The following CD36 variants were observed in gnomAD, a reference collection of about 807,000 sequenced individuals.
CD36 encodes CD36 molecule (CD36 blood group), also known as platelet glycoprotein 4.
CD36 carries 119 observed loss-of-function variants against 55.2 expected under a neutral mutation model. The ratio of observed to expected loss-of-function variants is 2.15; its 90% CI spans 1.86 to 2.51. CD36 has a LOEUF of 2.51. Ranked by LOEUF, CD36 falls within the 30% of genes most tolerant of loss-of-function variation. The pLI, the probability that CD36 is intolerant of heterozygous loss-of-function variation, is 0.00. For missense variants in CD36, 819 were observed against 555.5 expected, an observed-to-expected ratio of 1.47 and a Z score of -4.77; for synonymous variants, 186 against 193.6, an observed-to-expected ratio of 0.96 and a Z score of 0.33.
intron 1 of CD36, among the ~76,000 whole-genome samples, chr7:80,623,390 A>G (rs1793576145): frequency 6.6e-6 from 1 of 152,192 alleles, no homozygotes; most frequent in Admixed American, 6.5e-5. Context: ...CATGTGATAA[A>G]TATTAATTCA....
At chr7:80,649,157 A>G (rs1795407128) in intron 3 of CD36, among the ~76,000 whole-genome samples, 1 of 152,108 alleles carries the variant, frequency 6.6e-6, no homozygotes, top group African/African-American at 2.4e-5. Flanking sequence ...TTAATCTTCA[A>G]AAATATCTGT....
chr7:80,637,948 TC>T (rs1057027169), upstream of CD36, among the ~76,000 whole-genome samples: 1 of 151,772 alleles, frequency 6.6e-6, no homozygotes, highest in African/African-American at 2.4e-5. Flanking sequence ...CTAAAGATTA[TC>T]CTCAATAGTA....
chr7:80,634,654 G>T (rs1156700138), upstream of CD36, among the ~76,000 whole-genome samples: 1 of 151,996 alleles, frequency 6.6e-6, no homozygotes, highest in African/African-American at 2.4e-5. Context: ...TCTGTCATTT[G>T]CTTCTCAAAT....
chr7:80,664,895 G>C (rs948004678), intron 7 of CD36, among the ~76,000 whole-genome samples: 1 of 150,732 alleles, frequency 6.6e-6, no homozygotes, highest in African/African-American at 2.4e-5. Context: ...TGTAGTAGAT[G>C]GAAACTTTTT....
At chr7:80,666,696 G>A (rs913513801) in intron 8 of CD36, among the ~76,000 whole-genome samples, 1 of 152,164 alleles carries the variant, frequency 6.6e-6, no homozygotes, top group African/African-American at 2.4e-5. Flanking sequence ...TAAAAAATTA[G>A]CCCTTACTGC....
At chr7:80,620,085 T>C (rs1399595493) in intron 1 of CD36, among the ~76,000 whole-genome samples, 1 of 152,122 alleles carries the variant, frequency 6.6e-6, no homozygotes, top group East Asian at 1.9e-4. Context: ...ACATGATGTG[T>C]AGGGAAAAAC....
In CD36 at chr7:80,679,071, G is replaced by T. The variant is rs1274680687; in HGVS notation, c.*2688G>T. ...TTTGAACTCAATGTCGTCGCTTCTGGTTTCCTGCATATACCAATAGCATTA... is the reference window on the plus strand; with the variant it reads ...TTTGAACTCAATGTCGTCGCTTCTGTTTTCCTGCATATACCAATAGCATTA... On this transcript the variant is annotated 3_prime_UTR_variant, in exon 15 of 15. Transcript: ENST00000447544. 6.6e-6 allele frequency: 1 copy of T among 151,888 alleles called. No individual in the cohort carries two copies. The highest frequency in any genetic ancestry group is 1.5e-5 in the Non-Finnish European group (1 of 67,974). The allele number at this position is 151,888 out of a possible 1,614,324, so 9.4% of individuals were successfully genotyped here.
Position 80,612,562 on chromosome 7 carries a change from T to C in CD36, c.-184+10183T>C, listed in dbSNP as rs141757151. ...CAGTTGGGAATTATCTTAAAAAGTATTTCTGAAAATATGCACCTCTGTGGA... is the reference window on the plus strand; with the variant it reads ...CAGTTGGGAATTATCTTAAAAAGTACTTCTGAAAATATGCACCTCTGTGGA... On this transcript the variant is annotated intron_variant, in intron 1 of 13. Transcript: ENST00000309881. 1.1e-3 allele frequency among the ~76,000 whole-genome samples: 168 copies of C among 152,302 alleles called. 1 individual carries two copies. Among genetic ancestry groups the C allele is most frequent in the African/African-American group, 3.5e-3 (145 of 41,578 alleles).
At chr7:80,607,515 T>C (rs1792628214) in intron 1 of CD36, among the ~76,000 whole-genome samples, 1 of 152,198 alleles carries the variant, frequency 6.6e-6, no homozygotes, top group Admixed American at 6.5e-5. Context: ...TAGAAGTTAG[T>C]GACCTTTTAT....
At chr7:80,613,687 G>C (rs1413661) in intron 1 of CD36, among the ~76,000 whole-genome samples, 80,845 of 151,832 alleles carry the variant, frequency 0.53, 22,404 homozygotes, top group South Asian at 0.71. Flanking sequence ...ATGCTTGTCA[G>C]GGGCCTAAGA....
chr7:80,648,381 A>C (rs184241939), intron 3 of CD36, among the ~76,000 whole-genome samples: 21 of 152,262 alleles, frequency 1.4e-4, no homozygotes, highest in Admixed American at 1.4e-3. Flanking sequence ...AGCGATTTAG[A>C]CTACTTTTTT....
chr7:80,618,373 A>G lies in CD36; in HGVS notation c.-184+15994A>G, dbSNP rs190563451. On this transcript the variant is annotated intron_variant, in intron 1 of 13. Transcript: ENST00000309881. ...TATATTGAAACTAGGTCAATTTATAACCCTACAATGGCCTCTAATGTTCAA... is the reference window on the plus strand; with the variant it reads ...TATATTGAAACTAGGTCAATTTATAGCCCTACAATGGCCTCTAATGTTCAA... Among the ~76,000 whole-genome samples, 24 of 152,234 alleles carry G rather than the reference A, an allele frequency of 1.6e-4. No homozygotes were observed. The East Asian group carries it at 4.4e-3, about 28-fold the overall frequency.
At chr7:80,637,124 T>C (rs1389846439), upstream of CD36, 1 of 152,126 alleles carries the variant, frequency 6.6e-6, no homozygotes, top group Non-Finnish European at 1.5e-5. Flanking sequence ...AATATGCTCT[T>C]TTAAACAGGT....
chr7:80,661,827 T>C (rs1796554984), intron 5 of CD36, among the ~76,000 whole-genome samples: 1 of 152,162 alleles, frequency 6.6e-6, no homozygotes, highest in African/African-American at 2.4e-5. Context: ...ATGGTGTCTA[T>C]TGTTTGGAAA....
intron 1 of CD36, among the ~76,000 whole-genome samples, chr7:80,606,571 AG>A (rs1335760272): frequency 1.3e-5 from 2 of 152,174 alleles, no homozygotes; most frequent in African/African-American, 4.8e-5. Flanking sequence ...TGCAAAACTT[AG>A]ATGTGCTTGC....
chr7:80,608,591 G>C (rs1029212365), intron 1 of CD36, among the ~76,000 whole-genome samples: 1 of 152,152 alleles, frequency 6.6e-6, no homozygotes, highest in South Asian at 2.1e-4. Context: ...TTTTAAAGTA[G>C]ATAGTGTTAT....
chr7:80,608,792 T>C (rs570027562), intron 1 of CD36, among the ~76,000 whole-genome samples: 2 of 152,280 alleles, frequency 1.3e-5, no homozygotes, highest in East Asian at 1.9e-4. Flanking sequence ...GCGTAAAACC[T>C]GAGACTTACG....
Position 80,674,580 on chromosome 7 carries a change from A to T in CD36, c.*433A>T, listed in dbSNP as rs549461853. On this transcript the variant is annotated intron_variant, in intron 14 of 14. Coordinates refer to ENST00000447544, the MANE Select transcript of CD36 (RefSeq NM_001001548.3). ...AAAAGTCCTGAACAAAAATTTGAAT[A>T]TAATAGTATCAGGAAATAGGGGAAA... 6.6e-3 allele frequency among the ~76,000 whole-genome samples: 997 copies of T among 152,202 alleles called. 10 individuals are homozygous for T. The highest frequency in any genetic ancestry group is 0.022 in the African/African-American group (931 of 41,558).
intron 1 of CD36, among the ~76,000 whole-genome samples, chr7:80,608,639 T>C (rs558961592): frequency 6.8e-4 from 104 of 152,276 alleles, no homozygotes; most frequent in Non-Finnish European, 1.3e-3. Flanking sequence ...TTGGGGAGAT[T>C]AAAAAATTGG....
Sources: gnomAD v4.1 joint callset for allele counts (sites outside exome capture counted in the v4.1 genomes callset) on GRCh38, gnomAD v4.1.1 for gene constraint, MANE v1.5 for transcripts, NCBI Gene and HGNC (gene_info 2026-07-23, HGNC 2026-07-21) for gene names.